Variants in IL1RAPL2 observed in about 807,000 individuals in gnomAD.
IL1RAPL2 encodes X-linked interleukin-1 receptor accessory protein-like 2.
IL1RAPL2 carries 3 observed loss-of-function variants against 44.1 expected under a neutral mutation model. The observed-to-expected ratio is 0.07, with a 90% CI of 0.03 to 0.18. The LOEUF (loss-of-function observed/expected upper bound fraction) is 0.18, where lower values mean the gene tolerates loss of function less well. IL1RAPL2 is among the 10% of genes least tolerant of loss of function. IL1RAPL2 has a pLI of 1.00. For missense variants in IL1RAPL2, 391 were observed against 496.4 expected (o/e 0.79, Z 2.02); for synonymous variants, 181 against 178.8 (o/e 1.01, Z -0.10).
At chrX:105,477,527 C>T (rs1386568063) in intron 5 of IL1RAPL2, among the ~76,000 whole-genome samples, 1 of 111,851 alleles carries the variant, frequency 8.9e-6, no homozygotes, top group Non-Finnish European at 1.9e-5. Flanking sequence ...TCAGCAATTT[C>T]TGCATTCATT....
At chrX:105,758,079 T>TG (rs1158789580) in intron 10 of IL1RAPL2, among the ~76,000 whole-genome samples, 4 of 110,986 alleles carry the variant, frequency 3.6e-5, no homozygotes, top group East Asian at 5.7e-4. Flanking sequence ...ACATTCCTGT[T>TG]GGGGGGGAAA....
chrX:105,207,062 T>C (rs1032505628), intron 3 of IL1RAPL2, among the ~76,000 whole-genome samples: 4 of 111,873 alleles, frequency 3.6e-5, no homozygotes, highest in Middle Eastern at 4.2e-3. Flanking sequence ...GTTGAAAATG[T>C]TCATGGTGGA....
chrX:105,286,571 T>C, intron 5 of IL1RAPL2, among the ~76,000 whole-genome samples: 1 of 106,425 alleles, frequency 9.4e-6, no homozygotes, highest in South Asian at 4.1e-4. Context: ...CAGAAAAAAC[T>C]TAAGACAGAG....
chrX:104,984,399 A>G (rs774915412), intron 2 of IL1RAPL2, among the ~76,000 whole-genome samples: 1 of 111,936 alleles, frequency 8.9e-6, no homozygotes, highest in African/African-American at 3.2e-5. Flanking sequence ...TTATCTTGCT[A>G]GATGCCATGT....
chrX:105,238,103 A>G (rs1294776753), intron 4 of IL1RAPL2, among the ~76,000 whole-genome samples: 1 of 112,338 alleles, frequency 8.9e-6, no homozygotes, highest in African/African-American at 3.2e-5. Context: ...AAAGTGATGT[A>G]CAGAAAATGG....
At chrX:104,735,482 C>T (rs1387822421) in intron 2 of IL1RAPL2, among the ~76,000 whole-genome samples, 1 of 110,873 alleles carries the variant, frequency 9.0e-6, no homozygotes, top group African/African-American at 3.3e-5. Flanking sequence ...CAAAGGGAAC[C>T]ACTATTACCC....
intron 5 of IL1RAPL2, among the ~76,000 whole-genome samples, chrX:105,327,081 G>C (rs2034945006): frequency 8.9e-6 from 1 of 111,994 alleles, no homozygotes; most frequent in South Asian, 3.7e-4. Flanking sequence ...GGTTTAACAG[G>C]AGAGTTTGGC....
intron 1 of IL1RAPL2, among the ~76,000 whole-genome samples, chrX:104,588,573 CAA>C (rs35472188): frequency 9.7e-6 from 1 of 103,581 alleles, no homozygotes; most frequent in Non-Finnish European, 2.0e-5. Flanking sequence ...CCAAGTGTTG[CAA>C]AAAAAAAAAT....
intron 6 of IL1RAPL2, among the ~76,000 whole-genome samples, chrX:105,714,617 G>A (rs1265085944): frequency 1.8e-5 from 2 of 111,709 alleles, no homozygotes; most frequent in East Asian, 5.7e-4. Flanking sequence ...GACAGAGAGA[G>A]GAAATCCAGC....
chrX:105,377,388 G>A (rs776261818), intron 5 of IL1RAPL2, among the ~76,000 whole-genome samples: 6 of 109,419 alleles, frequency 5.5e-5, no homozygotes, highest in Admixed American at 9.9e-5. Flanking sequence ...GTGTGTGTGT[G>A]TGTGTGTATG....
intron 2 of IL1RAPL2, among the ~76,000 whole-genome samples, chrX:104,811,819 C>T (rs1187904166): frequency 9.0e-6 from 1 of 110,742 alleles, no homozygotes; most frequent in East Asian, 2.9e-4. Context: ...TCTGCTGTCT[C>T]TGGTTACAGT....
rs190588408 is a variant in IL1RAPL2 at position 105,726,989 on chromosome X, G to C, written c.902+9493G>C. On this transcript the variant is annotated intron_variant, in intron 7 of 10. Coordinates refer to ENST00000372582, the MANE Select transcript of IL1RAPL2 (RefSeq NM_017416.2). ...GGAGTAATAATGCTTTAATGGGGAG[G>C]GGGGAGCAAATAACACCAAGAAAGA... Among the ~76,000 whole-genome samples the C allele has an allele frequency of 2.1e-3, 228 of 110,340 alleles. 3 individuals carry two copies. The highest frequency in any genetic ancestry group is 7.2e-3 in the African/African-American group (219 of 30,345).
At chrX:104,631,617 T>G (rs1339190026) in intron 1 of IL1RAPL2, among the ~76,000 whole-genome samples, 4 of 112,313 alleles carry the variant, frequency 3.6e-5, no homozygotes, top group Non-Finnish European at 7.5e-5. Flanking sequence ...TCATGTGTCT[T>G]TTGGCTGTAT....
chrX:105,113,026 A>C (rs2032817569), intron 2 of IL1RAPL2, among the ~76,000 whole-genome samples: 1 of 112,580 alleles, frequency 8.9e-6, no homozygotes, highest in Admixed American at 9.4e-5. Context: ...TACAGATCTC[A>C]CCTCTGGTAA....
intron 2 of IL1RAPL2, among the ~76,000 whole-genome samples, chrX:104,877,034 A>C (rs868364776): frequency 5.4e-5 from 6 of 110,343 alleles, no homozygotes; most frequent in Non-Finnish European, 7.6e-5. Context: ...CCAGTTTCAT[A>C]CATGTCCCTA....
In IL1RAPL2 at chrX:104,948,916, G is replaced by A. The variant is rs370071138; in HGVS notation, c.83-246559G>A. On this transcript the variant is annotated intron_variant, in intron 2 of 10. Coordinates refer to ENST00000372582, the MANE Select transcript of IL1RAPL2 (RefSeq NM_017416.2). ...TGTCTCTGCCTGGCTTTGGTATCAGGATGATGCTGGCCTCATAAAATGAGT... is the reference window on the plus strand; with the variant it reads ...TGTCTCTGCCTGGCTTTGGTATCAGAATGATGCTGGCCTCATAAAATGAGT... Among the ~76,000 whole-genome samples the A allele has an allele frequency of 1.5e-4, 17 of 109,966 alleles. 1 individual carries two copies. In the South Asian group the frequency reaches 5.7e-3, roughly 37 times the overall value.
intron 1 of IL1RAPL2, among the ~76,000 whole-genome samples, chrX:104,607,647 GGTC>G (rs1401703610): frequency 8.9e-6 from 1 of 111,984 alleles, no homozygotes; most frequent in Non-Finnish European, 1.9e-5. Flanking sequence ...CATCATCACT[GGTC>G]ATCAGAGAAA....
intron 6 of IL1RAPL2, among the ~76,000 whole-genome samples, chrX:105,577,373 CT>C (rs1193175819): frequency 9.0e-6 from 1 of 110,804 alleles, no homozygotes; most frequent in Non-Finnish European, 1.9e-5. Context: ...AAAGTCACAT[CT>C]TTGCCCTCGT....
In IL1RAPL2 at chrX:104,635,623, A is replaced by G. The variant is rs761539342; in HGVS notation, c.-19-23272A>G. ...TTCCATCACTGATACCCTTTCTTCC[A>G]GTTGATCGCATCGGCTACTGAGGCT... On this transcript the variant is annotated intron_variant, in intron 1 of 10. Transcript: ENST00000372582. Among the ~76,000 whole-genome samples, 150 of 111,602 alleles carry G rather than the reference A, an allele frequency of 1.3e-3. 1 individual carries two copies. Among genetic ancestry groups the G allele is most frequent in the African/African-American group, 4.7e-3 (144 of 30,731 alleles).
Sources: allele counts gnomAD v4.1 joint callset (sites outside exome capture counted in the v4.1 genomes callset), GRCh38; gene constraint gnomAD v4.1.1; transcripts MANE v1.5; gene names NCBI Gene and HGNC (gene_info 2026-07-23, HGNC 2026-07-21).